The following SKI variants were observed in gnomAD, a reference collection of about 807,000 sequenced individuals.
The protein encoded by SKI is ski oncogene.
In SKI, 23 loss-of-function variants were observed where a neutral mutation model predicts 59.3. The ratio of observed to expected loss-of-function variants is 0.39; its 90% CI spans 0.28 to 0.55. SKI has a LOEUF of 0.55. Ranked by LOEUF, SKI falls within the 20% of genes least tolerant of loss-of-function variation. The pLI is 0.67. For missense variants in SKI, 1,017 were observed against 1,038.9 expected (o/e 0.98, Z 0.29); for synonymous variants, 673 against 488.6 (o/e 1.38, Z -4.98).
At chr1:2,232,477 A>G (rs1172974438) in intron 1 of SKI, 2 of 152,282 alleles carry the variant, frequency 1.3e-5, no homozygotes, top group African/African-American at 4.8e-5. Context: ...GCCTCCTGTG[A>G]CAGCGGCTGT....
At position 2,270,196 on chromosome 1, in the gene SKI, T is replaced by A. The variant is rs1639586492; in HGVS notation, c.970-32782T>A. ...GCAAGAGAGGGACAGAGGTCATCTG[T>A]CTACGAGCTAGAGCAAGGGCAGGTG... On this transcript the variant is annotated intron_variant, in intron 1 of 6. Transcript: ENST00000378536. This position sits in a 1 kb window ranked among gnomAD's most constrained non-coding sequence, Gnocchi z 4.1. Among the ~76,000 whole-genome samples, 1 of 152,188 alleles carries A rather than the reference T, an allele frequency of 6.6e-6. No homozygotes were observed.
rs1057524639 is a variant in SKI, at chr1:2,303,013, A to G, written c.1005A>G (p.Lys335=). 6.2e-7 allele frequency: 1 copy of G among 1,613,610 alleles called. No homozygotes were observed. Among genetic ancestry groups the G allele is most frequent in the African/African-American group, 1.3e-5 (1 of 74,938 alleles). ...AGCCTCCGGCCTCCATAAGACCCAA[A>G]ACAGATGACACCTCTTCCCAGTCCC... is the stretch of plus-strand genomic sequence containing the variant. The part of the protein sequence containing the change: ...SSEPPASIRP[K]TDDTSSQSPA... The change falls in exon 2 of 7, where the codon AAA becomes AAG. Residue 335 remains lysine (K), a synonymous_variant. Coordinates refer to ENST00000378536, the MANE Select transcript of SKI (RefSeq NM_003036.4). The surrounding 1 kb of genome is among the most constrained non-coding windows in gnomAD (Gnocchi z 5.6).
At chr1:2,287,257 C>T (rs772270006) in intron 1 of SKI, among the ~76,000 whole-genome samples, 24 of 151,768 alleles carry the variant, frequency 1.6e-4, no homozygotes, top group Non-Finnish European at 3.2e-4. Flanking sequence ...CTTGGGAATG[C>T]GTTTCTTTAG....
chr1:2,239,449 C>T (rs1291075659), intron 1 of SKI, among the ~76,000 whole-genome samples: 7 of 152,342 alleles, frequency 4.6e-5, no homozygotes, highest in South Asian at 4.1e-4. Context: ...GGACCTGCCT[C>T]GTGCGTGGTC....
intron 1 of SKI, among the ~76,000 whole-genome samples, chr1:2,299,260 G>C (rs868083545): frequency 1.3e-5 from 2 of 152,308 alleles, no homozygotes; most frequent in African/African-American, 2.4e-5. Flanking sequence ...GGGAGGGGGG[G>C]GGCCACACGG....
intron 1 of SKI, among the ~76,000 whole-genome samples, chr1:2,236,258 C>T (rs565655904): frequency 4.5e-4 from 69 of 152,254 alleles, no homozygotes; most frequent in Admixed American, 9.2e-4. Flanking sequence ...GGGTTAGGGA[C>T]GCCTGGTCAC....
intron 1 of SKI, among the ~76,000 whole-genome samples, chr1:2,265,456 G>T (rs1278601508): frequency 6.6e-6 from 1 of 152,130 alleles, no homozygotes; most frequent in East Asian, 1.9e-4. Context: ...TTTGATTTGG[G>T]ACTATATTAT....
chr1:2,297,830 C>T (rs777677271), intron 1 of SKI, among the ~76,000 whole-genome samples: 36 of 152,382 alleles, frequency 2.4e-4, no homozygotes, highest in Non-Finnish European at 3.7e-4. Flanking sequence ...ATGGGCAGGT[C>T]TGAGACTGGC....
chr1:2,239,276 T>G (rs1638814221), intron 1 of SKI, among the ~76,000 whole-genome samples: 1 of 152,258 alleles, frequency 6.6e-6, no homozygotes, highest in Admixed American at 6.5e-5. Context: ...TTAACATTCT[T>G]GGATGCGGTG....
At chr1:2,248,709 T>C (rs1164673960) in intron 1 of SKI, among the ~76,000 whole-genome samples, 3 of 152,266 alleles carry the variant, frequency 2.0e-5, no homozygotes, top group Non-Finnish European at 1.5e-5. Context: ...CTGGGTTTGC[T>C]GTTTAACTCA....
At chr1:2,276,042 T>C (rs1342686794) in intron 1 of SKI, among the ~76,000 whole-genome samples, 1 of 152,234 alleles carries the variant, frequency 6.6e-6, no homozygotes, top group Non-Finnish European at 1.5e-5. Flanking sequence ...CTCCTTGTGC[T>C]CTTTCAAGCT....
chr1:2,266,484 G>C (rs183276621), intron 1 of SKI, among the ~76,000 whole-genome samples: 1 of 152,162 alleles, frequency 6.6e-6, no homozygotes, highest in East Asian at 1.9e-4. Context: ...ACCATGGCTG[G>C]GAACTCTCGG....
At position 2,303,402 on chromosome 1, in the gene SKI, T is replaced by G. The variant is rs762589753; in HGVS notation, c.1211+2T>G. On this transcript the variant is annotated splice_donor_variant, in intron 3 of 6. Transcript: ENST00000378536. LOFTEE classifies it high-confidence loss of function. The surrounding 1 kb of genome is among the most constrained non-coding windows in gnomAD (Gnocchi z 5.6). ...CCTCCCGGCCCTCATCCGAGACAGG[T>G]GAGTGGGCGCCATTCACAGGTGTTT... 1.4e-5 allele frequency: 22 copies of G among 1,609,012 alleles called. No homozygotes were observed. Among genetic ancestry groups the G allele is most frequent in the Non-Finnish European group, 1.8e-5 (21 of 1,177,106 alleles).
chr1:2,276,950 C>T (rs1194406276), intron 1 of SKI, among the ~76,000 whole-genome samples: 2 of 152,262 alleles, frequency 1.3e-5, no homozygotes, highest in African/African-American at 4.8e-5. Flanking sequence ...GCTGCTTCCC[C>T]ACAGGGATGG....
chr1:2,252,869 C>G (rs113311171), intron 1 of SKI, among the ~76,000 whole-genome samples: 1 of 152,098 alleles, frequency 6.6e-6, no homozygotes, highest in Non-Finnish European at 1.5e-5. Flanking sequence ...TGGCGATGGG[C>G]AGATCACTTG....
At chr1:2,272,821 ACGCCCCGAGCC>A (rs1639655122) in intron 1 of SKI, among the ~76,000 whole-genome samples, 2 of 151,704 alleles carry the variant, frequency 1.3e-5, no homozygotes, top group African/African-American at 4.8e-5. Flanking sequence ...AGTTCTCACC[ACGCCCCGAGCC>A]TCCCCCTCCC....
chr1:2,295,285 C>T (rs2100902403), intron 1 of SKI, among the ~76,000 whole-genome samples: 1 of 152,354 alleles, frequency 6.6e-6, no homozygotes, highest in East Asian at 1.9e-4. Flanking sequence ...CCAGGCATCT[C>T]ATCCTGTCTG....
intron 1 of SKI, among the ~76,000 whole-genome samples, chr1:2,292,854 C>A (rs553447466): frequency 2.6e-5 from 4 of 152,164 alleles, no homozygotes; most frequent in Non-Finnish European, 4.4e-5. Flanking sequence ...GAGTCCCCTT[C>A]GGAGGAAGCA....
At chr1:2,239,356 C>G (rs567522407) in intron 1 of SKI, among the ~76,000 whole-genome samples, 1 of 152,290 alleles carries the variant, frequency 6.6e-6, no homozygotes, top group African/African-American at 2.4e-5. Context: ...ACTGTGAAAA[C>G]AAGGTAAACC....
Sources: allele counts gnomAD v4.1 joint callset (sites outside exome capture counted in the v4.1 genomes callset), GRCh38; gene constraint gnomAD v4.1.1; non-coding constraint Gnocchi (gnomAD v3.1); transcripts MANE v1.5; gene names NCBI Gene and HGNC (gene_info 2026-07-23, HGNC 2026-07-21).